The following P2RX4 variants were observed in gnomAD, a reference collection of about 807,000 sequenced individuals.
P2RX4 encodes P2X purinoceptor 4.
In P2RX4, 37 loss-of-function variants were observed where a neutral mutation model predicts 48.0. The ratio of observed to expected loss-of-function variants is 0.77; its 90% CI spans 0.59 to 1.01. The LOEUF (loss-of-function observed/expected upper bound fraction) is 1.01, where lower values mean the gene tolerates loss of function less well. P2RX4 is among the 50% of genes least tolerant of loss of function. The probability of loss-of-function intolerance (pLI) is 0.00; values close to 1 mark genes in which losing one functional copy is unlikely to be tolerated. For synonymous variants in P2RX4, 200 were observed against 199.7 expected (o/e 1.00, Z -0.01); for missense variants, 501 against 521.4 (o/e 0.96, Z 0.38).
intron 2 of P2RX4, among the ~76,000 whole-genome samples, chr12:121,219,615 GGATAGATA>G (rs60447163): frequency 0.01 from 1,453 of 140,536 alleles, 23 homozygotes; most frequent in East Asian, 0.061. Flanking sequence ...ATGGATGGAT[GGATAGATA>G]GATAGATAGA....
chr12:121,210,317 G>A lies in P2RX4; in HGVS notation c.134+19G>A, dbSNP rs1162421756. On this transcript the variant is annotated intron_variant, in intron 1 of 11. Coordinates refer to ENST00000337233, the MANE Select transcript of P2RX4 (RefSeq NM_002560.3). Reference sequence around the variant, plus strand: ...TCATCGGGTGAGCGTGGGGCCGCGCGGGGGGCGCGGCGGGTGCTGCCCTCG... The same window carrying A: ...TCATCGGGTGAGCGTGGGGCCGCGCAGGGGGCGCGGCGGGTGCTGCCCTCG... 5 of 1,498,948 alleles carry A rather than the reference G, an allele frequency of 3.3e-6. No individual in the cohort carries two copies. The highest frequency in any genetic ancestry group is 5.0e-5 in the Admixed American group (2 of 39,948). 92.9% of individuals were successfully genotyped at this position (1,498,948 alleles called of 1,614,324 possible). A position where few individuals can be genotyped will look rare whatever the true frequency, so the allele number is the denominator to read the frequency against.
intron 11 of P2RX4, 187 bp downstream of exon 11, chr12:121,233,279 T>A (rs1887490487): frequency 3.1e-6 from 2 of 640,036 alleles, no homozygotes; most frequent in South Asian, 1.8e-5. Context: ...TGTACTAGAT[T>A]GACTCTTTAA....
chr12:121,230,258 C>T (rs1020129260), intron 8 of P2RX4, among the ~76,000 whole-genome samples: 3 of 152,244 alleles, frequency 2.0e-5, no homozygotes, highest in African/African-American at 7.2e-5. Flanking sequence ...TGGCGCATGC[C>T]TGTAATCCCA....
chr12:121,224,693 G>A (rs377286621), intron 5 of P2RX4, among the ~76,000 whole-genome samples: 15 of 152,078 alleles, frequency 9.9e-5, no homozygotes, highest in East Asian at 3.9e-4. Flanking sequence ...AACATTCTTC[G>A]TGGTTGTAAT....
intron 2 of P2RX4, 68 bp from the exon 3 acceptor site, chr12:121,221,845 C>A (rs115245472): frequency 1.5e-6 from 2 of 1,316,516 alleles, no homozygotes; most frequent in East Asian, 2.3e-5. Flanking sequence ...CTTCAGTCAG[C>A]GTCTGCCTTT....
chr12:121,225,954 G>C (rs530487548), intron 5 of P2RX4, among the ~76,000 whole-genome samples: 48 of 151,986 alleles, frequency 3.2e-4, no homozygotes, highest in African/African-American at 9.9e-4. Context: ...ATGGCTCACT[G>C]CAGCTTCGAA....
At chr12:121,210,416 G>A in intron 1 of P2RX4, 118 bp downstream of exon 1, 1 of 1,062,000 alleles carries the variant, frequency 9.4e-7, no homozygotes, top group Non-Finnish European at 1.2e-6. Context: ...CCGAGGCGGT[G>A]ACACCTTCCC....
At chr12:121,210,927 A>C (rs1391105237) in intron 1 of P2RX4, among the ~76,000 whole-genome samples, 1 of 151,980 alleles carries the variant, frequency 6.6e-6, no homozygotes, top group Admixed American at 6.6e-5. Context: ...GACAAAACCA[A>C]AGCTTGGAAT....
chr12:121,210,301 G>C lies in P2RX4; in HGVS notation c.134+3G>C. Reference sequence around the variant, plus strand: ...CTCATCCTGGCCTACGTCATCGGGTGAGCGTGGGGCCGCGCGGGGGGCGCG... The same window carrying C: ...CTCATCCTGGCCTACGTCATCGGGTCAGCGTGGGGCCGCGCGGGGGGCGCG... On this transcript the variant is annotated splice_donor_region_variant and intron_variant, in intron 1 of 11. Transcript: ENST00000337233. 1 of 1,535,356 alleles carries C rather than the reference G, an allele frequency of 6.5e-7. No individual in the cohort carries two copies. The highest frequency in any genetic ancestry group is 2.1e-5 in the Admixed American group (1 of 47,972).
intron 5 of P2RX4, among the ~76,000 whole-genome samples, chr12:121,224,804 C>T (rs115985300): frequency 0.012 from 1,867 of 151,274 alleles, 38 homozygotes; most frequent in African/African-American, 0.043. Flanking sequence ...TCCATGAGCC[C>T]CGGGGAGCAG....
intron 1 of P2RX4, chr12:121,215,589 G>C (rs961679457): frequency 6.6e-6 from 1 of 151,852 alleles, no homozygotes; most frequent in Non-Finnish European, 1.5e-5. Context: ...GATTTTTATT[G>C]GACAGCACAG....
chr12:121,230,217 T>TA (rs879748298), intron 8 of P2RX4, among the ~76,000 whole-genome samples: 12 of 152,058 alleles, frequency 7.9e-5, no homozygotes, highest in Middle Eastern at 3.4e-3. Flanking sequence ...CCATCTCTAC[T>TA]AAAAAAAATA....
At position 121,233,934 on chromosome 12, in the gene P2RX4, T is replaced by C. The variant is rs1887541251; in HGVS notation, c.*385T>C. On this transcript the variant is annotated 3_prime_UTR_variant, in exon 12 of 12. Transcript: ENST00000337233. ...AGGCACGGCGGCTCTGTTCAAGCAC[T>C]TTATGCGGCAGGGGAGGCCGCCTGG... The C allele has an allele frequency of 1.1e-5, 3 of 268,550 alleles. No individual in the cohort carries two copies. The highest frequency in any genetic ancestry group is 2.2e-5 in the Non-Finnish European group (3 of 135,646). The allele number at this position is 268,550 out of a possible 1,614,324, so 16.6% of individuals were successfully genotyped here. A position where few individuals can be genotyped will look rare whatever the true frequency, so the allele number is the denominator to read the frequency against.
At chr12:121,216,664 T>C (rs1196914357) in intron 1 of P2RX4, 2 of 339,684 alleles carry the variant, frequency 5.9e-6, no homozygotes, top group Admixed American at 4.3e-5. Flanking sequence ...CTACTAAAAA[T>C]ACAAAATTAG....
chr12:121,233,462 C>T, intron 11 of P2RX4, 61 bp from the exon 12 acceptor site: 1 of 1,559,158 alleles, frequency 6.4e-7, no homozygotes, highest in Non-Finnish European at 8.7e-7. Flanking sequence ...AGCGCACCTC[C>T]CTCCCGCCTG....
In P2RX4 at chr12:121,222,724, C is replaced by A. The variant is rs560092176; in HGVS notation, c.428-223C>A. ...ACTGTGCCTGGCCTCTTGTCCCATT[C>A]TTTAGCTTGGCATCACCCTGGCTGA... On this transcript the variant is annotated intron_variant, in intron 4 of 11. Transcript: ENST00000337233. 3.0e-4 allele frequency: 329 copies of A among 1,091,214 alleles called. No homozygotes were observed. The African/African-American group carries it at 4.6e-3, about 15-fold the overall frequency. The allele number at this position is 1,091,214 out of a possible 1,614,324, so 67.6% of individuals were successfully genotyped here.
At chr12:121,228,920 G>T (rs892705931) in intron 7 of P2RX4, 43 bp from the exon 8 acceptor site, 7 of 1,613,950 alleles carry the variant, frequency 4.3e-6, no homozygotes, top group Non-Finnish European at 5.1e-6. Flanking sequence ...CTCGTGCCAG[G>T]TGCTGAGGAA....
chr12:121,225,450 G>GC (rs1307368986), intron 5 of P2RX4, among the ~76,000 whole-genome samples: 1 of 151,328 alleles, frequency 6.6e-6, no homozygotes, highest in Non-Finnish European at 1.5e-5. Flanking sequence ...TCGCTCTGTC[G>GC]CCCAGGCTGG....
chr12:121,216,501 T>C, intron 1 of P2RX4: 1 of 191,266 alleles, frequency 5.2e-6, no homozygotes, highest in Non-Finnish European at 1.1e-5. Flanking sequence ...TATCTCTTGG[T>C]GATTCCCATA....
Sources: allele counts gnomAD v4.1 joint callset (sites outside exome capture counted in the v4.1 genomes callset), GRCh38; gene constraint gnomAD v4.1.1; transcripts MANE v1.5; gene names NCBI Gene and HGNC (gene_info 2026-07-23, HGNC 2026-07-21).